LBR: variants seen among roughly 807,000 people sequenced by gnomAD.
LBR encodes delta(14)-sterol reductase LBR.
LBR carries 28 observed loss-of-function variants against 74.3 expected under a neutral mutation model. That is an observed-to-expected ratio of 0.38 (90% confidence interval 0.28 to 0.52). The LOEUF (loss-of-function observed/expected upper bound fraction) is 0.52, where lower values mean the gene tolerates loss of function less well. LBR is among the 20% of genes least tolerant of loss of function. The pLI is 0.89. For synonymous variants in LBR, 228 were observed against 269.3 expected, an observed-to-expected ratio of 0.85 and a Z score of 1.50; for missense variants, 717 against 760.3, an observed-to-expected ratio of 0.94 and a Z score of 0.67.
At chr1:225,418,675 A>G (rs1215920266) in intron 5 of LBR, among the ~76,000 whole-genome samples, 2 of 152,264 alleles carry the variant, frequency 1.3e-5, no homozygotes, top group Non-Finnish European at 2.9e-5. Flanking sequence ...GGTTATAACA[A>G]AATACAAAGC....
chr1:225,402,901 T>G lies in LBR; in HGVS notation c.*402A>C, dbSNP rs2096084084. On this transcript the variant is annotated 3_prime_UTR_variant, in exon 14 of 14. Coordinates refer to ENST00000272163, the MANE Select transcript of LBR (RefSeq NM_002296.4). The stretch of plus-strand genomic sequence containing the variant: ...ATTCTCTTACTGAATAAAACATAAA[T>G]GTACTTTAAATGGAACAGTGTTTTC... 5.8e-6 allele frequency: 1 copy of G among 173,716 alleles called. No homozygotes were observed. The highest frequency in any genetic ancestry group is 2.4e-5 in the African/African-American group (1 of 41,600). 10.8% of individuals were successfully genotyped at this position (173,716 alleles called of 1,614,324 possible). A position where few individuals can be genotyped will look rare whatever the true frequency, so the allele number is the denominator to read the frequency against.
At position 225,411,695 on chromosome 1, in the gene LBR, T is replaced by TG. The variant is rs201317457; in HGVS notation, c.1085-256dup. Among the ~76,000 whole-genome samples, 1,916 of 152,314 alleles carry TG rather than the reference T, an allele frequency of 0.013. 40 individuals carry two copies. Among genetic ancestry groups the TG allele is most frequent in the African/African-American group, 0.043 (1,771 of 41,558 alleles). The stretch of plus-strand genomic sequence containing the variant: ...TTCTTAAAAAAGTTAACCAAAATCA[T>TG]GGGGGCCCCCCCAAAGGACTTTACA... On this transcript the variant is annotated intron_variant, in intron 8 of 13. Coordinates refer to ENST00000272163, the MANE Select transcript of LBR (RefSeq NM_002296.4).
At position 225,412,465 on chromosome 1, in the gene LBR, G is replaced by A. The variant is rs778139850; in HGVS notation, c.1073C>T (p.Pro358Leu). Residue 358 changes from proline to leucine, a missense_variant, in exon 8 of 14, where the codon CCT becomes CTT. Physicochemically the swap from Pro to Leu is moderately conservative, Grantham distance 98. Coordinates refer to ENST00000272163, the MANE Select transcript of LBR (RefSeq NM_002296.4). ...SLKAPRNDLS[P>L]ASSGNAVYDF... The stretch of plus-strand genomic sequence containing the variant: ...TCATCACTGCTCACCAGAGCTGGCA[G>A]GCGACAGGTCATTCCGGGGCGCTTT... The A allele has an allele frequency of 1.9e-6, 3 of 1,614,006 alleles. No individual in the cohort carries two copies. The highest frequency in any genetic ancestry group is 2.2e-5 in the East Asian group (1 of 44,884).
At chr1:225,411,871 A>C (rs1005991440) in intron 8 of LBR, among the ~76,000 whole-genome samples, 1 of 152,210 alleles carries the variant, frequency 6.6e-6, no homozygotes, top group African/African-American at 2.4e-5. Flanking sequence ...GTGCAGTGGC[A>C]CAGTCTCGGC....
chr1:225,418,016 G>A lies in LBR; in HGVS notation c.805C>T (p.Gln269Ter). The A allele has an allele frequency of 6.2e-7, 1 of 1,614,106 alleles. No individual in the cohort carries two copies. Among genetic ancestry groups the A allele is most frequent in the Non-Finnish European group, 8.5e-7 (1 of 1,179,996 alleles). ...ATTGGCAGTAGGTAGAACAGGACTT[G>A]AATCAAAAACCACAGGAGGTAGACC... ...FGVYLLWFLI[Q>*]VLFYLLPIGK... The change falls in exon 6 of 14, where the codon CAA becomes TAA. Residue 269 changes from glutamine to a stop codon, truncating the protein, a stop_gained. Transcript: ENST00000272163. LOFTEE classifies it high-confidence loss of function.
Position 225,403,231 on chromosome 1 carries a change from G to C in LBR, c.*72C>G. 2.0e-6 allele frequency: 3 copies of C among 1,487,030 alleles called. No individual in the cohort carries two copies. The South Asian group carries it at 3.4e-5, about 17-fold the overall frequency. The allele number at this position is 1,487,030 out of a possible 1,614,324, so 92.1% of individuals were successfully genotyped here. Reference sequence around the variant, plus strand: ...TGTCAGTGCAACAAAAGAAAGTTTCGGATTTTTTTCCTTGTTTTTGCAAAT... The same window carrying C: ...TGTCAGTGCAACAAAAGAAAGTTTCCGATTTTTTTCCTTGTTTTTGCAAAT... On this transcript the variant is annotated 3_prime_UTR_variant, in exon 14 of 14. Transcript: ENST00000272163.
Position 225,401,951 on chromosome 1 carries a change from CA to C in LBR, c.*1351del, listed in dbSNP as rs1558647489. 1 of 152,174 alleles carries C rather than the reference CA, an allele frequency of 6.6e-6. No homozygotes were observed. Among genetic ancestry groups the C allele is most frequent in the East Asian group, 1.9e-4 (1 of 5,200 alleles). 9.4% of individuals were successfully genotyped at this position (152,174 alleles called of 1,614,324 possible). ...ATATATAAAATGTGTAATTAAAACC[CA>C]AACATACACACTATGTTTATTACAT... On this transcript the variant is annotated 3_prime_UTR_variant, in exon 14 of 14. Coordinates refer to ENST00000272163, the MANE Select transcript of LBR (RefSeq NM_002296.4).
intron 9 of LBR, among the ~76,000 whole-genome samples, chr1:225,410,889 T>C (rs2096103778): frequency 6.6e-6 from 1 of 152,208 alleles, no homozygotes; most frequent in Non-Finnish European, 1.5e-5. Flanking sequence ...TGGTAACCAA[T>C]GCTGTCACTA....
rs369794723 is a variant in LBR, at chr1:225,411,599, C to A, written c.1085-159G>T. On this transcript the variant is annotated intron_variant, in intron 8 of 13. Transcript: ENST00000272163. ...AGGCAGACAGGACGGCACAGACGAG[C>A]GGAACCAGGAGATGCCTGCCCGACT... 2.1e-4 allele frequency among the ~76,000 whole-genome samples: 32 copies of A among 152,330 alleles called. 1 individual carries two copies. In the East Asian group the frequency reaches 3.1e-3, roughly 15 times the overall value.
rs1056605 is a variant in LBR, at chr1:225,427,980, G to A, written c.-41C>T. Reference sequence around the variant, plus strand: ...TGCGCCAGGTTCCGGCGGTGACACGGACGGCTCCCGGAGAATAGTCGCACA... The same window carrying A: ...TGCGCCAGGTTCCGGCGGTGACACGAACGGCTCCCGGAGAATAGTCGCACA... On this transcript the variant is annotated 5_prime_UTR_variant, in exon 1 of 14. Coordinates refer to ENST00000272163, the MANE Select transcript of LBR (RefSeq NM_002296.4). 3 of 152,282 alleles carry A rather than the reference G, an allele frequency of 2.0e-5. 1 individual carries two copies. The highest frequency in any genetic ancestry group is 7.2e-5 in the African/African-American group (3 of 41,562). The allele number at this position is 152,282 out of a possible 1,614,324, so 9.4% of individuals were successfully genotyped here.
intron 7 of LBR, among the ~76,000 whole-genome samples, chr1:225,414,831 A>G (rs1287126347): frequency 6.6e-6 from 1 of 152,250 alleles, no homozygotes; most frequent in Non-Finnish European, 1.5e-5. Context: ...AGCAGAAGAC[A>G]GATGGAGGTG....
Position 225,410,431 on chromosome 1 carries a change from G to GA in LBR, c.1189-16dup, listed in dbSNP as rs777840793. The GA allele has an allele frequency of 5.6e-6, 9 of 1,613,670 alleles. No individual in the cohort carries two copies. The highest frequency in any genetic ancestry group is 6.8e-6 in the Non-Finnish European group (8 of 1,179,902). ...TTAATAACCACCTGAAACAAAAGGGGAAAGTATATAGCCTCAAAGCACCTC... is the reference window on the plus strand; with the variant it reads ...TTAATAACCACCTGAAACAAAAGGGGAAAAGTATATAGCCTCAAAGCACCTC... On this transcript the variant is annotated splice_polypyrimidine_tract_variant and intron_variant, in intron 9 of 13. Transcript: ENST00000272163.
chr1:225,404,698 A>T lies in LBR; in HGVS notation c.1492T>A (p.Tyr498Asn), dbSNP rs1487027204. 1.9e-6 allele frequency: 3 copies of T among 1,606,024 alleles called. No homozygotes were observed. ...SLIIVLKLCG[Y>N]VIFRGANSQK... is the part of the protein sequence containing the mutation. Reference sequence around the variant, plus strand: ...GAATTTGCACCTCGGAAGATTACATAACCACAAACTGCAATTTTAAAATAT... The same window carrying T: ...GAATTTGCACCTCGGAAGATTACATTACCACAAACTGCAATTTTAAAATAT... Residue 498 changes from tyrosine (Y) to asparagine (N), a missense_variant, in exon 12 of 14, where the codon TAT becomes AAT. Physicochemically the swap from Tyr to Asn is moderately radical, Grantham distance 143. Transcript: ENST00000272163.
At chr1:225,411,832 T>C (rs1465508969) in intron 8 of LBR, among the ~76,000 whole-genome samples, 1 of 152,262 alleles carries the variant, frequency 6.6e-6, no homozygotes, top group Non-Finnish European at 1.5e-5. Flanking sequence ...TGTTTTGAGA[T>C]GGAGCCTCGC....
upstream of LBR, chr1:225,428,697 A>G (rs1165064243): frequency 6.6e-6 from 1 of 152,150 alleles, no homozygotes; most frequent in Non-Finnish European, 1.5e-5. Flanking sequence ...GAGGGCTCCT[A>G]CGACTTACGC....
chr1:225,427,773 G>C (rs2096143070), intron 1 of LBR, 181 bp downstream of exon 1: 1 of 152,640 alleles, frequency 6.6e-6, no homozygotes, highest in Non-Finnish European at 1.5e-5. Flanking sequence ...GACTGGGCCA[G>C]AAAAGGCGAG....
intron 7 of LBR, among the ~76,000 whole-genome samples, chr1:225,414,795 G>C (rs1220825925): frequency 1.3e-5 from 2 of 152,236 alleles, no homozygotes; most frequent in African/African-American, 2.4e-5. Flanking sequence ...GAGCAGGGGA[G>C]AGAAAGGGAC....
At chr1:225,421,418 A>G (rs2096127283) in intron 3 of LBR, among the ~76,000 whole-genome samples, 2 of 152,230 alleles carry the variant, frequency 1.3e-5, no homozygotes, top group African/African-American at 4.8e-5. Flanking sequence ...GCGTGAACCC[A>G]GGAGGCGGAG....
intron 10 of LBR, among the ~76,000 whole-genome samples, 184 bp from the exon 11 acceptor site, chr1:225,407,016 C>A (rs2096093376): frequency 6.6e-6 from 1 of 152,114 alleles, no homozygotes; most frequent in Non-Finnish European, 1.5e-5. Flanking sequence ...TCACATTCTC[C>A]CGTCACGCCA....
Sources: gnomAD v4.1 joint callset for allele counts (sites outside exome capture counted in the v4.1 genomes callset) on GRCh38, gnomAD v4.1.1 for gene constraint, MANE v1.5 for transcripts, NCBI Gene and HGNC (gene_info 2026-07-23, HGNC 2026-07-21) for gene names.